The following GRID2 variants were observed in gnomAD, a reference collection of about 807,000 sequenced individuals.
The protein encoded by GRID2 is glutamate ionotropic receptor delta type subunit 2.
A neutral mutation model predicts 114.8 loss-of-function variants in GRID2; 33 were observed. The observed-to-expected ratio is 0.29, with a 90% CI of 0.22 to 0.38. The LOEUF (loss-of-function observed/expected upper bound fraction) is 0.38. Among genes scored for constraint, GRID2 ranks in the 10% least tolerant of loss-of-function variants. The pLI is 1.00. For synonymous variants in GRID2, 505 were observed against 449.9 expected, an observed-to-expected ratio of 1.12 and a Z score of -1.55; for missense variants, 1,184 against 1,257.7, an observed-to-expected ratio of 0.94 and a Z score of 0.89.
intron 4 of GRID2, among the ~76,000 whole-genome samples, chr4:93,151,873 A>G (rs112275572): frequency 1.3e-5 from 2 of 152,148 alleles, no homozygotes; most frequent in Non-Finnish European, 1.5e-5. Context: ...TAAAATAAAA[A>G]TGTGTCGTTG....
At chr4:93,068,440 C>T (rs1728505740) in intron 2 of GRID2, among the ~76,000 whole-genome samples, 1 of 152,018 alleles carries the variant, frequency 6.6e-6, no homozygotes, top group Non-Finnish European at 1.5e-5. Flanking sequence ...TATGTTATTA[C>T]TGCAGACAGA....
intron 2 of GRID2, among the ~76,000 whole-genome samples, chr4:92,850,154 C>T (rs1743663309): frequency 6.6e-6 from 1 of 151,026 alleles, no homozygotes; most frequent in South Asian, 2.1e-4. Flanking sequence ...ACTAAGAAAT[C>T]ATTGTTTTTC....
intron 10 of GRID2, among the ~76,000 whole-genome samples, chr4:93,451,258 G>A (rs1262922016): frequency 6.6e-6 from 1 of 152,044 alleles, no homozygotes; most frequent in Non-Finnish European, 1.5e-5. Flanking sequence ...GATTGCAGCT[G>A]TCATAGTGGC....
intron 7 of GRID2, among the ~76,000 whole-genome samples, chr4:93,236,520 C>A (rs905540584): frequency 6.6e-6 from 1 of 151,956 alleles, no homozygotes; most frequent in Non-Finnish European, 1.5e-5. Flanking sequence ...ATCCATAGAT[C>A]CTGGGTTTAT....
At chr4:93,612,212 C>T (rs1366920347) in intron 13 of GRID2, among the ~76,000 whole-genome samples, 19 of 149,294 alleles carry the variant, frequency 1.3e-4, no homozygotes, top group South Asian at 4.3e-4. Context: ...TGTCTCTGCA[C>T]GTGAGATGGG....
At chr4:92,966,339 C>T (rs894082566) in intron 2 of GRID2, among the ~76,000 whole-genome samples, 1 of 151,714 alleles carries the variant, frequency 6.6e-6, no homozygotes, top group Non-Finnish European at 1.5e-5. Context: ...ACCCTTCGGC[C>T]AAAAAGGATA....
At chr4:92,572,210 G>A (rs376442910) in intron 1 of GRID2, among the ~76,000 whole-genome samples, 50 of 152,132 alleles carry the variant, frequency 3.3e-4, no homozygotes, top group East Asian at 1.5e-3. Context: ...TATCACCACC[G>A]ATCCCACAGA....
chr4:93,309,002 T>A (rs191451478), intron 8 of GRID2, among the ~76,000 whole-genome samples: 1 of 152,346 alleles, frequency 6.6e-6, no homozygotes, highest in Non-Finnish European at 1.5e-5. Context: ...CTCTCCTCCA[T>A]ACATAGACAC....
At chr4:93,470,010 A>G (rs1055538437) in intron 11 of GRID2, among the ~76,000 whole-genome samples, 3 of 152,066 alleles carry the variant, frequency 2.0e-5, no homozygotes, top group Non-Finnish European at 4.4e-5. Context: ...TTGATTTTTA[A>G]TTTTTCCTTC....
At chr4:93,519,347 C>A (rs1173809240) in intron 13 of GRID2, among the ~76,000 whole-genome samples, 1 of 152,126 alleles carries the variant, frequency 6.6e-6, no homozygotes, top group Non-Finnish European at 1.5e-5. Context: ...GAAATTACAC[C>A]ATGGGAAGTT....
chr4:92,754,603 G>A lies in GRID2; in HGVS notation c.244+164317G>A, dbSNP rs188339529. Among the ~76,000 whole-genome samples the A allele has an allele frequency of 2.7e-3, 411 of 152,180 alleles. 1 individual carries two copies. Among genetic ancestry groups the A allele is most frequent in the Middle Eastern group, 0.024 (7 of 294 alleles). On this transcript the variant is annotated intron_variant, in intron 2 of 15. Coordinates refer to ENST00000282020, the MANE Select transcript of GRID2 (RefSeq NM_001510.4). ...TTATAATTAAACCCCTTAAATCAGC[G>A]CCTGACACAGTACAAAACACTGTAT...
At chr4:93,007,745 A>T (rs1306263019) in intron 2 of GRID2, among the ~76,000 whole-genome samples, 1 of 152,066 alleles carries the variant, frequency 6.6e-6, no homozygotes, top group African/African-American at 2.4e-5. Flanking sequence ...ACTAATGGAT[A>T]AAGAAAATAA....
At chr4:93,388,370 A>T (rs1764528538) in intron 8 of GRID2, among the ~76,000 whole-genome samples, 1 of 152,132 alleles carries the variant, frequency 6.6e-6, no homozygotes, top group African/African-American at 2.4e-5. Context: ...TCATGCCCAG[A>T]TTCTGATTTC....
chr4:92,971,525 A>G (rs1753519951), intron 2 of GRID2, among the ~76,000 whole-genome samples: 1 of 152,114 alleles, frequency 6.6e-6, no homozygotes, highest in South Asian at 2.1e-4. Flanking sequence ...TCAAACATTT[A>G]TCATTTCTCT....
At chr4:93,302,129 G>T (rs1203810912) in intron 8 of GRID2, among the ~76,000 whole-genome samples, 1 of 152,018 alleles carries the variant, frequency 6.6e-6, no homozygotes, top group Non-Finnish European at 1.5e-5. Context: ...GATAAAATTT[G>T]TTCTTATGTT....
rs540914940 is a variant in GRID2 at position 93,737,226 on chromosome 4, AT to A, written c.2361-31981del. Reference sequence around the variant, plus strand: ...AATTATATTTTCAAGTAAAATGGGTATTTCACAACACGTTATCTCTGTCTGC... The same window carrying A: ...AATTATATTTTCAAGTAAAATGGGTATTCACAACACGTTATCTCTGTCTGC... On this transcript the variant is annotated intron_variant, in intron 14 of 15. Transcript: ENST00000282020. Among the ~76,000 whole-genome samples the A allele has an allele frequency of 2.0e-5, 3 of 152,182 alleles. No individual in the cohort carries two copies. In the South Asian group the frequency reaches 6.2e-4, roughly 31 times the overall value.
At chr4:92,616,059 ATTATC>A (rs1217981612) in intron 2 of GRID2, among the ~76,000 whole-genome samples, 1 of 151,640 alleles carries the variant, frequency 6.6e-6, no homozygotes, top group East Asian at 1.9e-4. Flanking sequence ...TGCCCACATA[ATTATC>A]TTTTCCATTT....
chr4:92,812,214 G>A (rs1230981245), intron 2 of GRID2, among the ~76,000 whole-genome samples: 1 of 152,008 alleles, frequency 6.6e-6, no homozygotes, highest in African/African-American at 2.4e-5. Flanking sequence ...AAAGGTAAGT[G>A]GATGTTTATT....
At chr4:93,487,595 A>G (rs1296413642) in intron 11 of GRID2, among the ~76,000 whole-genome samples, 1 of 151,836 alleles carries the variant, frequency 6.6e-6, no homozygotes, top group Non-Finnish European at 1.5e-5. Flanking sequence ...TCATTTGGCA[A>G]GCCCTGGACC....
Sources: gnomAD v4.1 joint callset for allele counts (sites outside exome capture counted in the v4.1 genomes callset) on GRCh38, gnomAD v4.1.1 for gene constraint, MANE v1.5 for transcripts, NCBI Gene and HGNC (gene_info 2026-07-23, HGNC 2026-07-21) for gene names.